SRSF12: variants seen among roughly 807,000 people sequenced by gnomAD.
SRSF12 encodes the protein serine and arginine rich splicing factor 12, also known as serine/arginine-rich splicing factor 12.
Under a neutral mutation model 34.1 loss-of-function variants are expected in SRSF12, and 21 were observed. That is an observed-to-expected ratio of 0.62 (90% CI 0.44 to 0.89). The LOEUF (loss-of-function observed/expected upper bound fraction) is 0.89, where lower values mean the gene tolerates loss of function less well. SRSF12 is among the 40% of genes least tolerant of loss of function. SRSF12 has a pLI of 0.00. For missense variants in SRSF12, 278 were observed against 327.8 expected, an observed-to-expected ratio of 0.85 and a Z score of 1.17; for synonymous variants, 111 against 110.8, an observed-to-expected ratio of 1.00 and a Z score of -0.01.
intron 4 of SRSF12, among the ~76,000 whole-genome samples, chr6:89,100,292 T>C (rs1768478661): frequency 6.6e-6 from 1 of 152,066 alleles, no homozygotes; most frequent in African/African-American, 2.4e-5. Context: ...TCCCAAAAGG[T>C]CAATGAGGAA....
At chr6:89,109,456 C>T (rs1768945013) in intron 1 of SRSF12, among the ~76,000 whole-genome samples, 1 of 115,754 alleles carries the variant, frequency 8.6e-6, no homozygotes, top group Non-Finnish European at 1.9e-5. Flanking sequence ...AGAGAAGTTA[C>T]CTTGCCCAGA....
chr6:89,112,095 C>T (rs1769079194), intron 1 of SRSF12, among the ~76,000 whole-genome samples: 1 of 151,400 alleles, frequency 6.6e-6, no homozygotes, highest in African/African-American at 2.4e-5. Flanking sequence ...GCAACCTCCT[C>T]CTCCCCGGTT....
intron 1 of SRSF12, 54 bp downstream of exon 1, chr6:89,117,769 G>A (rs931948108): frequency 9.7e-5 from 146 of 1,498,798 alleles, no homozygotes; most frequent in South Asian, 2.5e-5. Context: ...TCCGCGGCGC[G>A]GCTGTTACCC....
chr6:89,105,590 A>T, intron 2 of SRSF12, 60 bp from the exon 3 acceptor site: 1 of 1,214,914 alleles, frequency 8.2e-7, no homozygotes, highest in South Asian at 1.8e-5. Flanking sequence ...TTTTAAAAGC[A>T]TTATTTACAT....
chr6:89,115,297 T>C (rs1245079793), intron 1 of SRSF12, among the ~76,000 whole-genome samples: 1 of 151,970 alleles, frequency 6.6e-6, no homozygotes, highest in Non-Finnish European at 1.5e-5. Flanking sequence ...TTATTTATTT[T>C]TTGAGACAGA....
intron 1 of SRSF12, among the ~76,000 whole-genome samples, chr6:89,112,387 GAAGAA>G (rs1039404065): frequency 4.0e-5 from 6 of 151,170 alleles, no homozygotes; most frequent in Non-Finnish European, 7.4e-5. Flanking sequence ...AAAAAAGGAA[GAAGAA>G]AAGTAAGTCC....
Position 89,117,962 on chromosome 6 carries a change from AC to A in SRSF12, c.-76del. ...TCCGTCTCCCGCTACCGCTGCTACC[AC>A]CACAGGAGCTCCGCCGGCCCCCGGC... On this transcript the variant is annotated 5_prime_UTR_variant, in exon 1 of 5. Transcript: ENST00000452027. The A allele has an allele frequency of 6.9e-7, 1 of 1,456,460 alleles. No homozygotes were observed. The highest frequency in any genetic ancestry group is 9.2e-7 in the Non-Finnish European group (1 of 1,086,126). The allele number at this position is 1,456,460 out of a possible 1,614,324, so 90.2% of individuals were successfully genotyped here.
intron 2 of SRSF12, 40 bp from the exon 3 acceptor site, chr6:89,105,570 A>C (rs933374923): frequency 7.2e-7 from 1 of 1,389,844 alleles, no homozygotes; most frequent in Non-Finnish European, 9.8e-7. Context: ...TGAGATATCA[A>C]GTAAACATAT....
chr6:89,096,950 C>A lies in SRSF12; in HGVS notation c.*1628G>T, dbSNP rs557642168. The A allele has an allele frequency of 6.6e-6, 1 of 152,048 alleles. No homozygotes were observed. The highest frequency in any genetic ancestry group is 2.4e-5 in the African/African-American group (1 of 41,378). 9.4% of individuals were successfully genotyped at this position (152,048 alleles called of 1,614,324 possible). On this transcript the variant is annotated 3_prime_UTR_variant, in exon 5 of 5. Transcript: ENST00000452027. The stretch of plus-strand genomic sequence containing the variant: ...ATTTTATAACTAAATTTTATTATAG[C>A]GGAATAATTCAAAGAGTTGTAGTTT...
At chr6:89,099,536 A>G (rs1332648825) in intron 4 of SRSF12, among the ~76,000 whole-genome samples, 1 of 90,900 alleles carries the variant, frequency 1.1e-5, no homozygotes, top group South Asian at 4.6e-4. Flanking sequence ...ACACACATAC[A>G]TGTTTTTTTT....
intron 1 of SRSF12, among the ~76,000 whole-genome samples, chr6:89,115,785 C>G (rs888496969): frequency 2.8e-5 from 4 of 141,044 alleles, no homozygotes; most frequent in African/African-American, 1.1e-4. Flanking sequence ...TACAGGCACC[C>G]GCCACCACGC....
At chr6:89,107,382 G>C in intron 1 of SRSF12, 124 bp from the exon 2 acceptor site, 1 of 694,924 alleles carries the variant, frequency 1.4e-6, no homozygotes, top group East Asian at 2.8e-5. Flanking sequence ...ATCTAAAATT[G>C]TTTTTTGTAA....
At chr6:89,117,585 G>C (rs1302283856) in intron 1 of SRSF12, among the ~76,000 whole-genome samples, 2 of 152,158 alleles carry the variant, frequency 1.3e-5, no homozygotes, top group African/African-American at 4.8e-5. Context: ...ACGCGGGCCC[G>C]GGACACGATG....
At chr6:89,115,368 C>T (rs774235588) in intron 1 of SRSF12, among the ~76,000 whole-genome samples, 1 of 151,804 alleles carries the variant, frequency 6.6e-6, no homozygotes, top group African/African-American at 2.4e-5. Flanking sequence ...TGCCAACCTC[C>T]ACCTCTGGGG....
chr6:89,108,620 G>A (rs914576533), intron 1 of SRSF12, among the ~76,000 whole-genome samples: 1 of 152,124 alleles, frequency 6.6e-6, no homozygotes, highest in Admixed American at 6.5e-5. Context: ...CTTCTAGCTT[G>A]GACAAATGGA....
intron 4 of SRSF12, among the ~76,000 whole-genome samples, chr6:89,100,782 G>A (rs1345675602): frequency 6.6e-6 from 1 of 152,116 alleles, no homozygotes; most frequent in Non-Finnish European, 1.5e-5. Context: ...GTCATTAGAT[G>A]GTCTTAACAG....
chr6:89,098,549 A>C lies in SRSF12; in HGVS notation c.*29T>G. ...ATGAGAGTTTAATAACTTATATTAA[A>C]GACGGCGTGGTGCTCTTTCTGTTGC... On this transcript the variant is annotated 3_prime_UTR_variant, in exon 5 of 5. Coordinates refer to ENST00000452027, the MANE Select transcript of SRSF12 (RefSeq NM_080743.5). The C allele has an allele frequency of 6.4e-7, 1 of 1,566,506 alleles. No individual in the cohort carries two copies.
chr6:89,115,967 G>GCTAA (rs143174973), intron 1 of SRSF12, among the ~76,000 whole-genome samples: 9,525 of 152,086 alleles, frequency 0.063, 855 homozygotes, highest in African/African-American at 0.2. Context: ...TCAACTTAAT[G>GCTAA]CATCTAAAGA....
chr6:89,108,816 T>G (rs1768911176), intron 1 of SRSF12, among the ~76,000 whole-genome samples: 1 of 152,194 alleles, frequency 6.6e-6, no homozygotes, highest in South Asian at 2.1e-4. Flanking sequence ...ATTAATATAA[T>G]TATTAGAAGC....
Sources: allele counts gnomAD v4.1 joint callset (sites outside exome capture counted in the v4.1 genomes callset), GRCh38; gene constraint gnomAD v4.1.1; transcripts MANE v1.5; gene names NCBI Gene and HGNC (gene_info 2026-07-23, HGNC 2026-07-21).